RB1CC1: variants seen among roughly 807,000 people sequenced by gnomAD.
RB1CC1 encodes RB1 inducible coiled-coil 1, also known as RB1-inducible coiled-coil protein 1.
RB1CC1 carries 46 observed loss-of-function variants against 177.5 expected under a neutral mutation model. That is an observed-to-expected ratio of 0.26 (90% CI 0.20 to 0.33). The LOEUF is 0.33. Among genes scored for constraint, RB1CC1 ranks in the 10% least tolerant of loss-of-function variants. The probability of loss-of-function intolerance (pLI) is 1.00; values close to 1 mark genes in which losing one functional copy is unlikely to be tolerated. For missense variants in RB1CC1, 1,703 were observed against 1,816.3 expected, an observed-to-expected ratio of 0.94 and a Z score of 1.13; for synonymous variants, 666 against 613.6, an observed-to-expected ratio of 1.09 and a Z score of -1.26.
At chr8:52,669,230 G>A (rs919798815) in intron 7 of RB1CC1, among the ~76,000 whole-genome samples, 1 of 152,076 alleles carries the variant, frequency 6.6e-6, no homozygotes, top group African/African-American at 2.4e-5. Context: ...AATAAATGTA[G>A]AATATAATAA....
rs562981947 is a variant in RB1CC1, at chr8:52,638,695, T to C, written c.4338-2626A>G. Among the ~76,000 whole-genome samples the C allele has an allele frequency of 3.9e-5, 6 of 152,240 alleles. 1 individual carries two copies. Among genetic ancestry groups the C allele is most frequent in the South Asian group, 4.1e-4 (2 of 4,820 alleles). On this transcript the variant is annotated intron_variant, in intron 18 of 23. Transcript: ENST00000025008. Reference sequence around the variant, plus strand: ...CTGATTTCAGAGTAGTCTTTTATTTTCTTTAAGAAACTCTGTAAGTTCAAA... The same window carrying C: ...CTGATTTCAGAGTAGTCTTTTATTTCCTTTAAGAAACTCTGTAAGTTCAAA...
chr8:52,645,616 AC>A, intron 16 of RB1CC1, 85 bp downstream of exon 16: 4 of 1,334,356 alleles, frequency 3.0e-6, no homozygotes, highest in South Asian at 2.8e-5. Context: ...GATATAAGAA[AC>A]CCTCAGCTAC....
chr8:52,674,590 A>G (rs1852916247), intron 6 of RB1CC1, among the ~76,000 whole-genome samples: 1 of 152,094 alleles, frequency 6.6e-6, no homozygotes, highest in Admixed American at 6.6e-5. Context: ...CCAACACGGC[A>G]AAACCCAGTT....
chr8:52,709,726 G>A (rs1049646687), intron 1 of RB1CC1, among the ~76,000 whole-genome samples: 8 of 152,230 alleles, frequency 5.3e-5, no homozygotes, highest in Admixed American at 3.9e-4. Context: ...GGGCGACAAA[G>A]TAAGACTCTG....
chr8:52,657,976 T>C lies in RB1CC1; in HGVS notation c.1920+22A>G, dbSNP rs751040281. 16 of 1,613,294 alleles carry C rather than the reference T, an allele frequency of 9.9e-6. No homozygotes were observed. The South Asian group carries it at 1.6e-4, about 17-fold the overall frequency. Reference sequence around the variant, plus strand: ...AACATTTTACACTAATGAAGAAAACTGTTTGAAAGAATTGAATTTGCCTTT... The same window carrying C: ...AACATTTTACACTAATGAAGAAAACCGTTTGAAAGAATTGAATTTGCCTTT... On this transcript the variant is annotated intron_variant, in intron 14 of 23. Transcript: ENST00000025008.
rs918988591 is a variant in RB1CC1, at chr8:52,622,689, A to G, written c.*1093T>C. The stretch of plus-strand genomic sequence containing the variant: ...TAACTCATTTAAATAACTTTGCTCA[A>G]TGGCAACTTCTCTAAAGATCTAGTT... On this transcript the variant is annotated 3_prime_UTR_variant, in exon 24 of 24. Transcript: ENST00000025008. 6.6e-6 allele frequency: 1 copy of G among 152,066 alleles called. No homozygotes were observed. Among genetic ancestry groups the G allele is most frequent in the African/African-American group, 2.4e-5 (1 of 41,422 alleles). The allele number at this position is 152,066 out of a possible 1,614,324, so 9.4% of individuals were successfully genotyped here. A position where few individuals can be genotyped will look rare whatever the true frequency, so the allele number is the denominator to read the frequency against.
chr8:52,685,304 G>T (rs796801880), intron 3 of RB1CC1, 95 bp downstream of exon 3: 2 of 933,490 alleles, frequency 2.1e-6, no homozygotes, highest in Non-Finnish European at 3.3e-6. Context: ...GCACCCGGCC[G>T]CCATTATCCT....
At chr8:52,666,064 T>C (rs1465855589) in intron 8 of RB1CC1, among the ~76,000 whole-genome samples, 1 of 152,124 alleles carries the variant, frequency 6.6e-6, no homozygotes, top group Middle Eastern at 3.2e-3. Flanking sequence ...TGAACTAAAG[T>C]AATTTACGAT....
intron 6 of RB1CC1, among the ~76,000 whole-genome samples, chr8:52,674,770 C>CA (rs779344001): frequency 0.052 from 3,082 of 59,440 alleles, 62 homozygotes; most frequent in Middle Eastern, 0.12. Context: ...GGCTCCGTCT[C>CA]AAAAAAAAAA....
chr8:52,685,525 A>C lies in RB1CC1; in HGVS notation c.-51-5T>G. On this transcript the variant is annotated splice_region_variant and splice_polypyrimidine_tract_variant and intron_variant, in intron 2 of 23. Transcript: ENST00000025008. ...CCTCACCCTCTGATACAGTTACTAG[A>C]AGAAACAAGAGAAGTGATCAATTTT... 1 of 1,093,214 alleles carries C rather than the reference A, an allele frequency of 9.1e-7. No individual in the cohort carries two copies. The highest frequency in any genetic ancestry group is 1.4e-6 in the Non-Finnish European group (1 of 735,966). The allele number at this position is 1,093,214 out of a possible 1,614,324, so 67.7% of individuals were successfully genotyped here. A position where few individuals can be genotyped will look rare whatever the true frequency, so the allele number is the denominator to read the frequency against.
intron 5 of RB1CC1, 129 bp downstream of exon 5, chr8:52,683,420 A>T: frequency 1.2e-6 from 1 of 824,362 alleles, no homozygotes; most frequent in African/African-American, 1.8e-5. Context: ...TAGATATATT[A>T]ACCGGAAAAT....
intron 3 of RB1CC1, among the ~76,000 whole-genome samples, chr8:52,684,436 T>G (rs1854056933): frequency 6.6e-6 from 1 of 152,200 alleles, no homozygotes. Flanking sequence ...ACAACAAAGA[T>G]TATTATTTCA....
chr8:52,688,498 G>A (rs533306186), intron 1 of RB1CC1, among the ~76,000 whole-genome samples: 84 of 152,160 alleles, frequency 5.5e-4, no homozygotes, highest in Non-Finnish European at 9.4e-4. Context: ...GAAAAACTCC[G>A]CCCTAGTAAA....
intron 7 of RB1CC1, among the ~76,000 whole-genome samples, chr8:52,672,267 C>A (rs1852672344): frequency 6.6e-6 from 1 of 152,162 alleles, no homozygotes; most frequent in Admixed American, 6.5e-5. Context: ...CTGGTACAGG[C>A]CACTGTGCCT....
chr8:52,637,093 C>A (rs934439790), intron 18 of RB1CC1, among the ~76,000 whole-genome samples: 3 of 152,134 alleles, frequency 2.0e-5, no homozygotes, highest in African/African-American at 7.2e-5. Context: ...TAGGATCAGC[C>A]TGCCCTTTTC....
chr8:52,624,579 C>T (rs555557775), intron 23 of RB1CC1, 138 bp downstream of exon 23: 3 of 697,476 alleles, frequency 4.3e-6, no homozygotes, highest in Non-Finnish European at 7.3e-6. Context: ...CCAGTTCAAA[C>T]TCACTCTCAT....
chr8:52,634,451 G>A (rs1031340330), intron 20 of RB1CC1, among the ~76,000 whole-genome samples: 3 of 151,636 alleles, frequency 2.0e-5, no homozygotes, highest in South Asian at 4.2e-4. Flanking sequence ...ACTTGAACCC[G>A]GGAGGTGGAG....
At chr8:52,682,728 A>G (rs1421594749) in intron 5 of RB1CC1, among the ~76,000 whole-genome samples, 2 of 152,144 alleles carry the variant, frequency 1.3e-5, no homozygotes, top group Admixed American at 6.5e-5. Context: ...AAAAGATTCT[A>G]TTATGTAAAT....
At chr8:52,627,946 A>AT in intron 22 of RB1CC1, 86 bp downstream of exon 22, 3 of 1,212,348 alleles carry the variant, frequency 2.5e-6, no homozygotes, top group Non-Finnish European at 3.3e-6. Context: ...CTTAATTCTT[A>AT]TGTAATTAAA....
Sources: allele counts gnomAD v4.1 joint callset (sites outside exome capture counted in the v4.1 genomes callset), GRCh38; gene constraint gnomAD v4.1.1; transcripts MANE v1.5; gene names NCBI Gene and HGNC (gene_info 2026-07-23, HGNC 2026-07-21).